The following PUDP variants were observed in gnomAD, a reference collection of about 807,000 sequenced individuals.
The protein encoded by PUDP is pseudouridine-5'-phosphatase.
Under a neutral mutation model 9.4 loss-of-function variants are expected in PUDP, and 8 were observed. The observed-to-expected ratio is 0.85, with a 90% CI of 0.50 to 1.53. The LOEUF (loss-of-function observed/expected upper bound fraction) is 1.53. PUDP is among the 40% of genes most tolerant of loss of function. The pLI is 0.00. For missense variants in PUDP, 188 were observed against 189.7 expected, an observed-to-expected ratio of 0.99 and a Z score of 0.05; for synonymous variants, 99 against 80.7, an observed-to-expected ratio of 1.23 and a Z score of -1.22.
In PUDP at chrX:7,050,431, G is replaced by C. The variant is rs776734289; in HGVS notation, c.552C>G (p.Ala184=). The change falls in exon 4 of 4, where the codon GCC becomes GCG. Residue 184 remains alanine, a synonymous_variant. Coordinates refer to ENST00000381077, the MANE Select transcript of PUDP (RefSeq NM_012080.5). ...TGACCACCTGCATCCCAGCTGCCAGGGCCGCCTCCACCCCATTGGGAGCAT... is the reference window on the plus strand; with the variant it reads ...TGACCACCTGCATCCCAGCTGCCAGCGCCGCCTCCACCCCATTGGGAGCAT... ...FEDAPNGVEA[A]LAAGMQVVMV... The C allele has an allele frequency of 8.3e-7, 1 of 1,211,173 alleles. No individual in the cohort carries two copies. The highest frequency in any genetic ancestry group is 1.8e-5 in the South Asian group (1 of 56,883).
chrX:6,972,619 T>C (rs1283692782), intron 3 of PUDP, among the ~76,000 whole-genome samples: 1 of 112,301 alleles, frequency 8.9e-6, no homozygotes, highest in Non-Finnish European at 1.9e-5. Flanking sequence ...CAGTATTTTA[T>C]TGAGGATTTT....
At chrX:7,043,726 G>C (rs1392308388) in intron 1 of PUDP, among the ~76,000 whole-genome samples, 2 of 111,375 alleles carry the variant, frequency 1.8e-5, no homozygotes, top group South Asian at 3.9e-4. Context: ...ACTGGTGGCT[G>C]TTGAGGGTGG....
At chrX:6,969,222 T>C (rs1319466965) in intron 3 of PUDP, among the ~76,000 whole-genome samples, 1 of 112,046 alleles carries the variant, frequency 8.9e-6, no homozygotes. Context: ...CCACATGAAC[T>C]CCGCTAAAAA....
chrX:6,834,144 G>T (rs1926548262), intron 3 of PUDP, among the ~76,000 whole-genome samples: 1 of 111,818 alleles, frequency 8.9e-6, no homozygotes, highest in African/African-American at 3.3e-5. Context: ...TAAGGTAAGG[G>T]CAGGAAAGGA....
At chrX:6,879,842 T>A (rs981430196) in intron 3 of PUDP, among the ~76,000 whole-genome samples, 1 of 111,051 alleles carries the variant, frequency 9.0e-6, no homozygotes, top group East Asian at 2.8e-4. Flanking sequence ...TGCCCTGGGT[T>A]TCACACCTGG....
intron 3 of PUDP, among the ~76,000 whole-genome samples, chrX:6,775,407 C>G (rs1053576762): frequency 6.3e-5 from 7 of 110,867 alleles, no homozygotes; most frequent in African/African-American, 2.3e-4. Context: ...TATTAACATT[C>G]ATTTACATGT....
chrX:7,108,934 G>A (rs1931960855), intron 1 of PUDP, among the ~76,000 whole-genome samples: 1 of 112,393 alleles, frequency 8.9e-6, no homozygotes, highest in Non-Finnish European at 1.9e-5. Flanking sequence ...TGCAGACTGT[G>A]AAGGCCCAAT....
intron 3 of PUDP, among the ~76,000 whole-genome samples, chrX:7,063,482 T>A (rs1424406499): frequency 9.0e-6 from 1 of 111,676 alleles, no homozygotes; most frequent in African/African-American, 3.3e-5. Context: ...TTACTAACCA[T>A]ACTTGACTTT....
intron 1 of PUDP, among the ~76,000 whole-genome samples, chrX:7,125,928 A>G (rs1209264733): frequency 8.1e-5 from 9 of 110,844 alleles, no homozygotes; most frequent in African/African-American, 3.0e-4. Context: ...ACAATTCAAG[A>G]TGAGATTTGG....
intron 1 of PUDP, among the ~76,000 whole-genome samples, chrX:7,008,950 T>C (rs766564777): frequency 8.9e-6 from 1 of 112,543 alleles, no homozygotes; most frequent in East Asian, 2.8e-4. Flanking sequence ...CATTTTCTAA[T>C]GTGTGGTTTC....
At chrX:7,082,531 C>T (rs191153673) in intron 2 of PUDP, among the ~76,000 whole-genome samples, 38 of 112,193 alleles carry the variant, frequency 3.4e-4, no homozygotes, top group African/African-American at 9.1e-4. Context: ...ATGTCATTAA[C>T]GCTGTGTGCC....
intron 3 of PUDP, among the ~76,000 whole-genome samples, chrX:6,839,697 TC>T (rs1176234257): frequency 1.8e-5 from 2 of 111,373 alleles, no homozygotes; most frequent in African/African-American, 6.5e-5. Flanking sequence ...ATGGCCAAAA[TC>T]CGAAAACTGA....
At chrX:6,989,582 C>A (rs764055511) in intron 1 of PUDP, 1 of 125,901 alleles carries the variant, frequency 7.9e-6, no homozygotes, top group Non-Finnish European at 1.7e-5. Context: ...TATGCCATTG[C>A]CAAAAAGAAT....
At chrX:6,854,914 T>C (rs1926882855) in intron 3 of PUDP, among the ~76,000 whole-genome samples, 1 of 111,598 alleles carries the variant, frequency 9.0e-6, no homozygotes. Flanking sequence ...TTAAAGAAGA[T>C]AAATGTGCAT....
intron 1 of PUDP, among the ~76,000 whole-genome samples, chrX:7,127,001 C>T (rs1932502988): frequency 9.0e-6 from 1 of 111,477 alleles, no homozygotes; most frequent in South Asian, 3.8e-4. Context: ...GTATCTAATT[C>T]TACCTAGGAT....
intron 1 of PUDP, among the ~76,000 whole-genome samples, chrX:7,019,730 C>T (rs1364434788): frequency 9.0e-6 from 1 of 111,599 alleles, no homozygotes; most frequent in Non-Finnish European, 1.9e-5. Flanking sequence ...TGCACTCCAT[C>T]CGGGGCATGG....
chrX:6,895,834 C>G (rs1927582732), intron 3 of PUDP, among the ~76,000 whole-genome samples: 1 of 111,371 alleles, frequency 9.0e-6, no homozygotes, highest in Non-Finnish European at 1.9e-5. Context: ...CTAGCCATGG[C>G]AGATTCAGTG....
intron 3 of PUDP, among the ~76,000 whole-genome samples, chrX:6,810,510 A>T (rs1314446157): frequency 8.9e-6 from 1 of 111,921 alleles, no homozygotes; most frequent in Non-Finnish European, 1.9e-5. Context: ...GCAGGGCTCA[A>T]CATTTGGAAA....
At chrX:6,966,285 A>G (rs1398379015) in intron 3 of PUDP, among the ~76,000 whole-genome samples, 1 of 54,590 alleles carries the variant, frequency 1.8e-5, no homozygotes, top group Non-Finnish European at 3.7e-5. Context: ...CATCATACAT[A>G]TTGTCTTTCA....
Sources: gnomAD v4.1 joint callset for allele counts (sites outside exome capture counted in the v4.1 genomes callset) on GRCh38, gnomAD v4.1.1 for gene constraint, MANE v1.5 for transcripts, NCBI Gene and HGNC (gene_info 2026-07-23, HGNC 2026-07-21) for gene names.